Variants in NSMCE2 observed in about 807,000 individuals in gnomAD.
NSMCE2 encodes E3 SUMO-protein ligase NSE2.
In NSMCE2, 24 loss-of-function variants were observed where a neutral mutation model predicts 23.8. The observed-to-expected ratio is 1.01, with a 90% confidence interval of 0.73 to 1.42. The LOEUF (loss-of-function observed/expected upper bound fraction) is 1.42. Ranked by LOEUF, NSMCE2 falls within the 40% of genes most tolerant of loss-of-function variation. The pLI is 0.00. For synonymous variants in NSMCE2, 92 were observed against 94.1 expected, an observed-to-expected ratio of 0.98 and a Z score of 0.13; for missense variants, 284 against 296.5, an observed-to-expected ratio of 0.96 and a Z score of 0.31.
At position 125,194,351 on chromosome 8, in the gene NSMCE2, G is replaced by A. The variant is rs145337065; in HGVS notation, c.418+12095G>A. Among the ~76,000 whole-genome samples the A allele has an allele frequency of 7.1e-3, 1,077 of 152,274 alleles. 20 individuals are homozygous for A. The highest frequency in any genetic ancestry group is 0.037 in the Admixed American group (571 of 15,284). ...TTGTATAGGTAGAATTGTACAGTGT[G>A]TAGCCTTTTGAGTGGCTTCTTTCAC... On this transcript the variant is annotated intron_variant, in intron 5 of 7. Transcript: ENST00000287437.
chr8:125,123,239 A>G (rs970995098), intron 3 of NSMCE2, among the ~76,000 whole-genome samples: 2 of 152,174 alleles, frequency 1.3e-5, no homozygotes, highest in Non-Finnish European at 2.9e-5. Context: ...AATCTTACCT[A>G]TAAAGTTCTC....
intron 5 of NSMCE2, among the ~76,000 whole-genome samples, chr8:125,316,552 G>GTCTT (rs1410208668): frequency 1.3e-5 from 2 of 152,104 alleles, no homozygotes; most frequent in African/African-American, 2.4e-5. Flanking sequence ...TTGTCTGTCT[G>GTCTT]TCTTTCTTTC....
At chr8:125,106,100 A>G (rs963266520) in intron 3 of NSMCE2, among the ~76,000 whole-genome samples, 2 of 152,114 alleles carry the variant, frequency 1.3e-5, no homozygotes, top group Non-Finnish European at 2.9e-5. Flanking sequence ...AGTCAAAATA[A>G]CAAAGTAGTC....
intron 3 of NSMCE2, among the ~76,000 whole-genome samples, chr8:125,132,824 A>T (rs1440077488): frequency 6.6e-6 from 1 of 152,184 alleles, no homozygotes; most frequent in Non-Finnish European, 1.5e-5. Flanking sequence ...AAATGGATAC[A>T]ATACTTAAGA....
intron 3 of NSMCE2, among the ~76,000 whole-genome samples, chr8:125,135,855 T>C (rs1820041493): frequency 6.6e-6 from 1 of 152,252 alleles, no homozygotes; most frequent in Non-Finnish European, 1.5e-5. Context: ...CCTCCATTGT[T>C]GTCTTTTTCA....
rs536489179 is a variant in NSMCE2 at position 125,247,907 on chromosome 8, A to G, written c.418+65651A>G. On this transcript the variant is annotated intron_variant, in intron 5 of 7. Transcript: ENST00000287437. ...AGTGAACAAGTGGTGAACTAAAGTG[A>G]CCACTTTCCTTGTGAAACTTAAGTT... Among the ~76,000 whole-genome samples, 232 of 152,298 alleles carry G rather than the reference A, an allele frequency of 1.5e-3. 3 individuals carry two copies. The highest frequency in any genetic ancestry group is 5.2e-3 in the African/African-American group (215 of 41,564).
intron 3 of NSMCE2, among the ~76,000 whole-genome samples, chr8:125,105,769 T>G (rs757513651): frequency 8.5e-5 from 13 of 152,336 alleles, no homozygotes; most frequent in Middle Eastern, 3.4e-3. Context: ...GGGCCGGATT[T>G]GGCTCACAGG....
chr8:125,219,562 T>G (rs1214792904), intron 5 of NSMCE2, among the ~76,000 whole-genome samples: 4 of 152,228 alleles, frequency 2.6e-5, no homozygotes, highest in African/African-American at 9.6e-5. Context: ...CATTTCATTC[T>G]TGTGAATTCG....
At position 125,153,026 on chromosome 8, in the gene NSMCE2, C is replaced by T. The variant is rs190483656; in HGVS notation, c.264+1749C>T. ...GAGCTGAGATCACGCCAGTGCACTC[C>T]AGCCTGGGCGACAGAGCGAGACTCC... On this transcript the variant is annotated intron_variant, in intron 4 of 7. Coordinates refer to ENST00000287437, the MANE Select transcript of NSMCE2 (RefSeq NM_173685.4). Among the ~76,000 whole-genome samples, 299 of 132,394 alleles carry T rather than the reference C, an allele frequency of 2.3e-3. 3 individuals carry two copies. The highest frequency in any genetic ancestry group is 2.5e-3 in the Non-Finnish European group (164 of 65,408). The allele number at this position is 132,394 out of a possible 152,430, so 86.9% of individuals were successfully genotyped here.
intron 5 of NSMCE2, among the ~76,000 whole-genome samples, chr8:125,227,559 A>G (rs1241354438): frequency 6.8e-6 from 1 of 146,974 alleles, no homozygotes; most frequent in African/African-American, 2.7e-5. Flanking sequence ...TTTTAATTAC[A>G]TCATCTTAAT....
At chr8:125,321,498 A>G (rs1455995795) in intron 5 of NSMCE2, among the ~76,000 whole-genome samples, 1 of 152,258 alleles carries the variant, frequency 6.6e-6, no homozygotes, top group Non-Finnish European at 1.5e-5. Context: ...AAACTCTGAC[A>G]GAAAACTGAA....
chr8:125,298,271 A>G (rs531538097), intron 5 of NSMCE2, among the ~76,000 whole-genome samples: 2 of 152,320 alleles, frequency 1.3e-5, no homozygotes, highest in Non-Finnish European at 2.9e-5. Context: ...AAATAAATAA[A>G]TAAAATAGTG....
intron 5 of NSMCE2, among the ~76,000 whole-genome samples, chr8:125,286,774 C>CAAAAAAAA (rs11403131): frequency 7.6e-6 from 1 of 131,626 alleles, no homozygotes; most frequent in Non-Finnish European, 1.6e-5. Context: ...AAGCCTAGAG[C>CAAAAAAAA]AAAAAAAAAA....
chr8:125,275,861 G>A (rs191398283), intron 5 of NSMCE2, among the ~76,000 whole-genome samples: 12 of 152,192 alleles, frequency 7.9e-5, no homozygotes, highest in Non-Finnish European at 1.5e-4. Context: ...AACCCAGAAC[G>A]CTCCGCCTGC....
chr8:125,154,823 C>G lies in NSMCE2; in HGVS notation c.264+3546C>G, dbSNP rs565375004. Among the ~76,000 whole-genome samples the G allele has an allele frequency of 3.3e-5, 5 of 152,266 alleles. No homozygotes were observed. The East Asian group carries it at 9.6e-4, about 29-fold the overall frequency. On this transcript the variant is annotated intron_variant, in intron 4 of 7. Coordinates refer to ENST00000287437, the MANE Select transcript of NSMCE2 (RefSeq NM_173685.4). ...CACGGAAAAACTGTTTTCTCAGTTT[C>G]ATATTGAGAACAGAATGATGTTCTG...
At chr8:125,168,616 C>T (rs1017722413) in intron 4 of NSMCE2, among the ~76,000 whole-genome samples, 28 of 152,324 alleles carry the variant, frequency 1.8e-4, no homozygotes, top group African/African-American at 6.3e-4. Flanking sequence ...CAAACAAGCT[C>T]TCTGGGGCCT....
intron 5 of NSMCE2, among the ~76,000 whole-genome samples, chr8:125,345,724 C>T (rs1267635424): frequency 1.3e-5 from 2 of 152,284 alleles, no homozygotes; most frequent in East Asian, 3.9e-4. Context: ...GCAGCAGAAG[C>T]ACAAACTAAT....
intron 5 of NSMCE2, among the ~76,000 whole-genome samples, chr8:125,206,959 G>A (rs1586611301): frequency 2.0e-5 from 3 of 152,112 alleles, no homozygotes; most frequent in Middle Eastern, 6.8e-3. Flanking sequence ...GGGGCTTATG[G>A]GCCAAAAAGC....
chr8:125,255,350 C>T (rs985167540), intron 5 of NSMCE2, among the ~76,000 whole-genome samples: 8 of 152,102 alleles, frequency 5.3e-5, no homozygotes, highest in Non-Finnish European at 4.4e-5. Flanking sequence ...GACACATAAA[C>T]AATTTTGAAG....
Sources: allele counts gnomAD v4.1 joint callset (sites outside exome capture counted in the v4.1 genomes callset), GRCh38; gene constraint gnomAD v4.1.1; transcripts MANE v1.5; gene names NCBI Gene and HGNC (gene_info 2026-07-23, HGNC 2026-07-21).